Variants in MTCL1 observed in about 807,000 individuals in gnomAD.
The protein encoded by MTCL1 is microtubule crosslinking factor 1.
Under a neutral mutation model 141.4 loss-of-function variants are expected in MTCL1, and 79 were observed. That is an observed-to-expected ratio of 0.56 (90% confidence interval 0.47 to 0.67). The LOEUF is 0.67. Ranked by LOEUF, MTCL1 falls within the 30% of genes least tolerant of loss-of-function variation. The pLI is 0.00. For synonymous variants in MTCL1, 914 were observed against 875.8 expected, an observed-to-expected ratio of 1.04 and a Z score of -0.77; for missense variants, 2,177 against 2,113.9, an observed-to-expected ratio of 1.03 and a Z score of -0.59.
chr18:8,719,362 C>T (rs1010913118), intron 3 of MTCL1, among the ~76,000 whole-genome samples: 2 of 152,142 alleles, frequency 1.3e-5, no homozygotes, highest in African/African-American at 4.8e-5. Context: ...GTAATTCTAC[C>T]AAAGTTATAA....
At position 8,784,096 on chromosome 18, in the gene MTCL1, CG is replaced by C; in HGVS notation, c.989del (p.Gly330ValfsTer9). ...TAGGAGAGGGTGCAAGTCCTGGTGC[CG>C]GGGGTGGGGCCCCCCTGCAGGAGGA... On this transcript the variant is annotated frameshift_variant, in exon 6 of 17. Transcript: ENST00000359865. LOFTEE classifies it high-confidence loss of function. 6.2e-7 allele frequency: 1 copy of C among 1,613,286 alleles called. No individual in the cohort carries two copies. The highest frequency in any genetic ancestry group is 1.3e-5 in the African/African-American group (1 of 75,044).
intron 4 of MTCL1, among the ~76,000 whole-genome samples, chr18:8,722,583 C>T (rs2096180616): frequency 6.6e-6 from 1 of 151,850 alleles, no homozygotes; most frequent in Admixed American, 6.6e-5. Context: ...TTGTTAAAAT[C>T]ATAAGGAAGA....
At chr18:8,804,587 T>C (rs1298814055) in intron 10 of MTCL1, among the ~76,000 whole-genome samples, 1 of 152,224 alleles carries the variant, frequency 6.6e-6, no homozygotes, top group Non-Finnish European at 1.5e-5. Flanking sequence ...GTTCTTCAAA[T>C]GTTAACTGAC....
intron 10 of MTCL1, among the ~76,000 whole-genome samples, chr18:8,804,253 ATTT>A (rs576046249): frequency 0.018 from 2,494 of 135,890 alleles, 63 homozygotes; most frequent in African/African-American, 0.062. Context: ...TAATTTTTAG[ATTT>A]TTTTTTTTTT....
intron 1 of MTCL1, among the ~76,000 whole-genome samples, chr18:8,708,202 C>T (rs576989280): frequency 6.6e-6 from 1 of 152,254 alleles, no homozygotes; most frequent in South Asian, 2.1e-4. Context: ...TAGCATAACC[C>T]CTGACTTACT....
At chr18:8,797,524 A>G (rs998407725) in intron 9 of MTCL1, among the ~76,000 whole-genome samples, 3 of 152,274 alleles carry the variant, frequency 2.0e-5, no homozygotes, top group Admixed American at 6.5e-5. Context: ...TACATCACTG[A>G]CCCTGGCTTC....
intron 4 of MTCL1, among the ~76,000 whole-genome samples, chr18:8,772,420 CTTTT>C (rs915143798): frequency 1.3e-5 from 2 of 150,724 alleles, no homozygotes; most frequent in South Asian, 4.2e-4. Context: ...TTTTCCTGAC[CTTTT>C]TTTTTCCATT....
At chr18:8,780,841 A>G (rs2096530210) in intron 5 of MTCL1, among the ~76,000 whole-genome samples, 1 of 152,204 alleles carries the variant, frequency 6.6e-6, no homozygotes, top group Non-Finnish European at 1.5e-5. Flanking sequence ...CTTCTGGTAC[A>G]TACTAGGTAC....
In MTCL1 at chr18:8,731,382, T is replaced by C. The variant is rs369672757; in HGVS notation, c.357+10886T>C. On this transcript the variant is annotated intron_variant, in intron 4 of 16. Coordinates refer to ENST00000359865, the Ensembl canonical transcript of MTCL1. ...TGAGGTCAGGAGTTCAAGACCAGCCTAGCCAACATGGTGAAACCCCGTCTG... is the reference window on the plus strand; with the variant it reads ...TGAGGTCAGGAGTTCAAGACCAGCCCAGCCAACATGGTGAAACCCCGTCTG... 3.3e-5 allele frequency among the ~76,000 whole-genome samples: 5 copies of C among 152,098 alleles called. No individual in the cohort carries two copies. In the East Asian group the frequency reaches 5.8e-4, roughly 18 times the overall value.
At chr18:8,706,168 C>A in exon 1 of MTCL1, 1 of 1,222,300 alleles carries the variant, frequency 8.2e-7, no homozygotes, top group Non-Finnish European at 1.0e-6. Flanking sequence ...CCGGGCGCCA[C>A]CCGCCCGCAC....
chr18:8,818,005 A>C (rs2076714607), intron 12 of MTCL1, among the ~76,000 whole-genome samples: 1 of 152,198 alleles, frequency 6.6e-6, no homozygotes, highest in Non-Finnish European at 1.5e-5. Flanking sequence ...TGCCTGCCTC[A>C]GCAGTTCCTT....
chr18:8,728,796 T>C (rs1567948696), intron 4 of MTCL1, among the ~76,000 whole-genome samples: 1 of 6,668 alleles, frequency 1.5e-4, no homozygotes, highest in African/African-American at 3.6e-3. Flanking sequence ...AGTGGCGTGA[T>C]TGATCTCGGC....
chr18:8,784,888 C>T (rs775457362), intron 6 of MTCL1, 45 bp downstream of exon 5: 2 of 1,489,208 alleles, frequency 1.3e-6, no homozygotes, highest in African/African-American at 2.8e-5. Flanking sequence ...CCTTGCTCTT[C>T]CTCCTTCTCG....
chr18:8,753,942 A>C (rs938949067), intron 4 of MTCL1, among the ~76,000 whole-genome samples: 1 of 152,236 alleles, frequency 6.6e-6, no homozygotes, highest in East Asian at 1.9e-4. Flanking sequence ...GGACCATTTC[A>C]TACCATTTGG....
At chr18:8,780,565 C>T (rs1217928894) in intron 5 of MTCL1, among the ~76,000 whole-genome samples, 1 of 152,220 alleles carries the variant, frequency 6.6e-6, no homozygotes, top group Non-Finnish European at 1.5e-5. Flanking sequence ...TGATTTTTGA[C>T]AATGGACAGA....
chr18:8,716,326 C>G (rs1412829566), upstream of MTCL1, among the ~76,000 whole-genome samples: 1 of 152,152 alleles, frequency 6.6e-6, no homozygotes, highest in Non-Finnish European at 1.5e-5. Flanking sequence ...GTAGCTCGTT[C>G]TCTTGATGGG....
intron 4 of MTCL1, among the ~76,000 whole-genome samples, chr18:8,768,106 TCAAA>T (rs1225591363): frequency 6.6e-6 from 1 of 152,210 alleles, no homozygotes; most frequent in African/African-American, 2.4e-5. Context: ...TTGAAAATTT[TCAAA>T]CAGATAGCAA....
chr18:8,726,753 A>C (rs1197846734), intron 4 of MTCL1, among the ~76,000 whole-genome samples: 1 of 152,126 alleles, frequency 6.6e-6, no homozygotes, highest in Non-Finnish European at 1.5e-5. Flanking sequence ...TCCTTGAGAG[A>C]GATGGTGGTG....
chr18:8,752,409 A>AT (rs376777776), intron 4 of MTCL1, among the ~76,000 whole-genome samples: 9 of 152,062 alleles, frequency 5.9e-5, no homozygotes, highest in Non-Finnish European at 1.0e-4. Context: ...TTTAAATCGA[A>AT]TTTTTTTTGT....
Sources: allele counts gnomAD v4.1 joint callset (sites outside exome capture counted in the v4.1 genomes callset), GRCh38; gene constraint gnomAD v4.1.1; transcripts MANE v1.5; gene names NCBI Gene and HGNC (gene_info 2026-07-23, HGNC 2026-07-21).